The following GUCY1A2 variants were observed in gnomAD, a reference collection of about 807,000 sequenced individuals.
The protein encoded by GUCY1A2 is guanylate cyclase 1 soluble subunit alpha 2, also known as guanylate cyclase soluble subunit alpha-2.
A neutral mutation model predicts 63.5 loss-of-function variants in GUCY1A2; 27 were observed. The ratio of observed to expected loss-of-function variants is 0.43; its 90% confidence interval spans 0.31 to 0.59. GUCY1A2 has a LOEUF of 0.59. Among genes scored for constraint, GUCY1A2 ranks in the 20% least tolerant of loss-of-function variants. GUCY1A2 has a pLI of 0.11. For missense variants in GUCY1A2, 768 were observed against 913.3 expected (o/e 0.84, Z 2.05); for synonymous variants, 364 against 343.5 (o/e 1.06, Z -0.66).
intron 5 of GUCY1A2, among the ~76,000 whole-genome samples, chr11:106,803,776 C>A (rs1351654000): frequency 6.6e-6 from 1 of 152,152 alleles, no homozygotes; most frequent in Admixed American, 6.6e-5. Context: ...GATGAGAAAT[C>A]CAACTAGTGC....
chr11:106,969,030 A>G (rs965278423), intron 3 of GUCY1A2, among the ~76,000 whole-genome samples: 3 of 152,178 alleles, frequency 2.0e-5, no homozygotes, highest in Non-Finnish European at 4.4e-5. Context: ...AATTTAACAT[A>G]TGGAAATCTT....
At chr11:106,781,493 A>C (rs571574134) in intron 5 of GUCY1A2, among the ~76,000 whole-genome samples, 1 of 152,338 alleles carries the variant, frequency 6.6e-6, no homozygotes, top group South Asian at 2.1e-4. Context: ...AAAACTTCAG[A>C]ATCAAAATCT....
rs1862675656 is a variant in GUCY1A2, at chr11:106,694,178, C to T, written c.1992-6422G>A. Among the ~76,000 whole-genome samples, 6 of 152,092 alleles carry T rather than the reference C, an allele frequency of 3.9e-5. No individual in the cohort carries two copies. The South Asian group carries it at 1.2e-3, about 32-fold the overall frequency. Reference sequence around the variant, plus strand: ...TTCCTATGGGATTACACCTGGATTCCAGCATTCTGGAAGTTGAATTTAGGA... The same window carrying T: ...TTCCTATGGGATTACACCTGGATTCTAGCATTCTGGAAGTTGAATTTAGGA... On this transcript the variant is annotated intron_variant, in intron 7 of 7. Coordinates refer to ENST00000526355, the MANE Select transcript of GUCY1A2 (RefSeq NM_000855.3).
At position 106,685,744 on chromosome 11, in the gene GUCY1A2, AG is replaced by A. The variant is rs1862515414; in HGVS notation, c.*1804del. ...GTCCAGAAACACAGGCCCACAGAAGAGGGGGTCAGGCAAAGGTTTAGAGCTC... is the reference window on the plus strand; with the variant it reads ...GTCCAGAAACACAGGCCCACAGAAGAGGGGTCAGGCAAAGGTTTAGAGCTC... On this transcript the variant is annotated 3_prime_UTR_variant, in exon 8 of 8. Transcript: ENST00000526355. 1 of 227,090 alleles carries A rather than the reference AG, an allele frequency of 4.4e-6. No individual in the cohort carries two copies. Among genetic ancestry groups the A allele is most frequent in the East Asian group, 6.3e-5 (1 of 15,852 alleles). The allele number at this position is 227,090 out of a possible 1,614,324, so 14.1% of individuals were successfully genotyped here. A position where few individuals can be genotyped will look rare whatever the true frequency, so the allele number is the denominator to read the frequency against.
chr11:106,979,879 C>T (rs1861312267), intron 2 of GUCY1A2, among the ~76,000 whole-genome samples: 1 of 151,962 alleles, frequency 6.6e-6, no homozygotes, highest in Non-Finnish European at 1.5e-5. Flanking sequence ...AAAATAAAAT[C>T]TTCAGAAGAG....
intron 5 of GUCY1A2, among the ~76,000 whole-genome samples, chr11:106,786,897 T>G (rs1005254019): frequency 1.3e-5 from 2 of 152,214 alleles, no homozygotes; most frequent in Admixed American, 6.5e-5. Flanking sequence ...AAAATAATAT[T>G]GAGTCTATTA....
At chr11:106,706,780 G>A in intron 7 of GUCY1A2, among the ~76,000 whole-genome samples, 1 of 151,744 alleles carries the variant, frequency 6.6e-6, no homozygotes, top group Non-Finnish European at 1.5e-5. Context: ...TAGGATATGA[G>A]TGAGGTAGCT....
At chr11:107,002,294 C>T (rs12282168) in intron 1 of GUCY1A2, among the ~76,000 whole-genome samples, 10,500 of 151,900 alleles carry the variant, frequency 0.069, 774 homozygotes, top group African/African-American at 0.19. Context: ...CGAGAGTTCC[C>T]TCCATTAGTG....
intron 1 of GUCY1A2, among the ~76,000 whole-genome samples, chr11:107,003,236 T>C (rs1013184058): frequency 2.0e-5 from 3 of 152,188 alleles, no homozygotes; most frequent in African/African-American, 4.8e-5. Flanking sequence ...TTTATCTCAG[T>C]TGCAGGATTG....
intron 5 of GUCY1A2, among the ~76,000 whole-genome samples, chr11:106,788,595 C>CTGCATATCCAGTTTTCCCAGCATA (rs1352857570): frequency 6.6e-6 from 1 of 152,242 alleles, no homozygotes; most frequent in Non-Finnish European, 1.5e-5. Flanking sequence ...TTTCTTTCTT[C>CTGCATATCCAGTTTTCCCAGCATA]TGCATATCCA....
At chr11:106,787,669 A>C (rs550427300) in intron 5 of GUCY1A2, among the ~76,000 whole-genome samples, 5 of 146,728 alleles carry the variant, frequency 3.4e-5, no homozygotes, top group Admixed American at 2.7e-4. Context: ...GTTTCAGTTA[A>C]CCTAATGATT....
At chr11:106,952,453 C>T (rs1244160917) in intron 3 of GUCY1A2, among the ~76,000 whole-genome samples, 2 of 152,096 alleles carry the variant, frequency 1.3e-5, no homozygotes, top group African/African-American at 4.8e-5. Context: ...GAGGTCTTCA[C>T]ATCCCTTGAA....
chr11:106,798,721 A>G (rs1864813410), intron 5 of GUCY1A2, among the ~76,000 whole-genome samples: 1 of 152,186 alleles, frequency 6.6e-6, no homozygotes, highest in Non-Finnish European at 1.5e-5. Context: ...ACAGCCCTTC[A>G]TGCTAAAAAC....
intron 4 of GUCY1A2, among the ~76,000 whole-genome samples, chr11:106,855,893 T>TTTTCTTTTTTTTATTATTTA (rs536833371): frequency 7.8e-4 from 74 of 94,430 alleles, no homozygotes; most frequent in Non-Finnish European, 1.3e-3. Context: ...GTCTCTTGTA[T>TTTTCTTTTTTTTATTATTTA]TTTATTTATT....
intron 6 of GUCY1A2, among the ~76,000 whole-genome samples, chr11:106,735,132 G>C (rs2135374436): frequency 6.6e-6 from 1 of 152,040 alleles, no homozygotes; most frequent in East Asian, 1.9e-4. Context: ...TCATTTATTT[G>C]AGTTATAAAG....
intron 2 of GUCY1A2, 37 bp from the exon 3 acceptor site, chr11:106,978,777 T>C (rs760775521): frequency 3.8e-6 from 6 of 1,559,022 alleles, no homozygotes; most frequent in African/African-American, 1.4e-5. Context: ...GGAGAAATTT[T>C]TGAAAGCATC....
chr11:106,935,750 G>T, intron 4 of GUCY1A2, among the ~76,000 whole-genome samples: 1 of 151,506 alleles, frequency 6.6e-6, no homozygotes, highest in East Asian at 1.9e-4. Flanking sequence ...GGGAGGCTGA[G>T]ACAGGAGAAT....
chr11:107,015,095 T>C (rs963046250), intron 1 of GUCY1A2, among the ~76,000 whole-genome samples: 6 of 152,200 alleles, frequency 3.9e-5, no homozygotes, highest in African/African-American at 1.4e-4. Context: ...TGCTTTGAAA[T>C]ATAATCTCTC....
chr11:106,801,196 C>G (rs1858597788), intron 5 of GUCY1A2, among the ~76,000 whole-genome samples: 1 of 152,020 alleles, frequency 6.6e-6, no homozygotes, highest in South Asian at 2.1e-4. Flanking sequence ...ATATTTTTAC[C>G]TCTAGGGTAG....
Sources: gnomAD v4.1 joint callset for allele counts (sites outside exome capture counted in the v4.1 genomes callset) on GRCh38, gnomAD v4.1.1 for gene constraint, MANE v1.5 for transcripts, NCBI Gene and HGNC (gene_info 2026-07-23, HGNC 2026-07-21) for gene names.